The following TAF1B variants were observed in gnomAD, a reference collection of about 807,000 sequenced individuals.
The protein encoded by TAF1B is TATA box-binding protein-associated factor RNA polymerase I subunit B.
Under a neutral mutation model 83.9 loss-of-function variants are expected in TAF1B, and 61 were observed. The observed-to-expected ratio is 0.73, with a 90% CI of 0.59 to 0.90. TAF1B has a LOEUF of 0.90. Ranked by LOEUF, TAF1B falls within the 40% of genes least tolerant of loss-of-function variation. The pLI is 0.00. For synonymous variants in TAF1B, 221 were observed against 224.6 expected, an observed-to-expected ratio of 0.98 and a Z score of 0.14; for missense variants, 625 against 677.0, an observed-to-expected ratio of 0.92 and a Z score of 0.85.
chr2:9,857,995 A>G (rs1243828206), intron 5 of TAF1B, among the ~76,000 whole-genome samples: 1 of 152,162 alleles, frequency 6.6e-6, no homozygotes, highest in African/African-American at 2.4e-5. Flanking sequence ...ACATTGCAAA[A>G]TCAATCATGC....
intron 6 of TAF1B, among the ~76,000 whole-genome samples, chr2:9,872,948 C>G (rs1397153763): frequency 6.6e-6 from 1 of 152,184 alleles, no homozygotes; most frequent in Non-Finnish European, 1.5e-5. Flanking sequence ...TCTTAAAGTT[C>G]TATGGACATT....
intron 6 of TAF1B, among the ~76,000 whole-genome samples, chr2:9,869,312 C>G (rs1270703907): frequency 6.6e-6 from 1 of 152,006 alleles, no homozygotes; most frequent in East Asian, 1.9e-4. Flanking sequence ...GCAACCTCCG[C>G]CTCCCAGGTT....
intron 8 of TAF1B, among the ~76,000 whole-genome samples, chr2:9,901,803 T>C (rs1239136140): frequency 6.6e-6 from 1 of 152,208 alleles, no homozygotes; most frequent in Non-Finnish European, 1.5e-5. Context: ...TGAGAACTTA[T>C]GTTTTTCTTT....
intron 5 of TAF1B, among the ~76,000 whole-genome samples, chr2:9,859,318 C>T (rs1001891604): frequency 6.6e-6 from 1 of 151,956 alleles, no homozygotes; most frequent in African/African-American, 2.4e-5. Context: ...ACTCCAGTTC[C>T]CAATAAGTTC....
chr2:9,854,023 G>A (rs989409650), intron 4 of TAF1B, among the ~76,000 whole-genome samples: 20 of 152,196 alleles, frequency 1.3e-4, no homozygotes, highest in African/African-American at 4.6e-4. Context: ...AGGCAGGTAA[G>A]AATACATTTA....
At chr2:9,857,877 C>G (rs115804497) in intron 5 of TAF1B, among the ~76,000 whole-genome samples, 6,696 of 152,184 alleles carry the variant, frequency 0.044, 195 homozygotes, top group Non-Finnish European at 0.066. Flanking sequence ...TCACCAGGTC[C>G]CTCTCGCAAC....
At chr2:9,843,815 G>A in intron 1 of TAF1B, 1 of 444,402 alleles carries the variant, frequency 2.3e-6, no homozygotes, top group Non-Finnish European at 4.0e-6. Context: ...CGTTATGGGT[G>A]TGTTTAAGGA....
chr2:9,901,878 T>C (rs1665186861), intron 8 of TAF1B, among the ~76,000 whole-genome samples: 1 of 152,124 alleles, frequency 6.6e-6, no homozygotes, highest in African/African-American at 2.4e-5. Context: ...GTAGAATAAC[T>C]GTATCCCAAC....
intron 14 of TAF1B, among the ~76,000 whole-genome samples, chr2:9,920,098 T>C (rs1335123404): frequency 1.3e-5 from 2 of 152,228 alleles, no homozygotes; most frequent in Non-Finnish European, 2.9e-5. Flanking sequence ...GAATGTGCTG[T>C]ATTTTTTAGT....
At chr2:9,880,276 G>C (rs1273656684) in intron 7 of TAF1B, among the ~76,000 whole-genome samples, 1 of 151,874 alleles carries the variant, frequency 6.6e-6, no homozygotes, top group Non-Finnish European at 1.5e-5. Context: ...GTGTTTCCAG[G>C]GGACATGGCT....
chr2:9,890,777 T>C (rs1664845624), intron 8 of TAF1B, among the ~76,000 whole-genome samples: 1 of 152,200 alleles, frequency 6.6e-6, no homozygotes. Flanking sequence ...TCTCTTATTT[T>C]ATTTTTTTTG....
Position 9,876,030 on chromosome 2 carries a change from CTCTTGTATGATAA to C in TAF1B, c.707+14_707+26del. 1.3e-6 allele frequency: 2 copies of C among 1,584,326 alleles called. No individual in the cohort carries two copies. Among genetic ancestry groups the C allele is most frequent in the South Asian group, 2.3e-5 (2 of 87,852 alleles). ...TCAGATCTTTTGAGGTTAGCTAGACCTCTTGTATGATAATATTTTTGCTGGTTACTACATGAAC... is the reference window on the plus strand; with the variant it reads ...TCAGATCTTTTGAGGTTAGCTAGACCTATTTTTGCTGGTTACTACATGAAC... On this transcript the variant is annotated intron_variant, in intron 7 of 14. Transcript: ENST00000263663.
intron 4 of TAF1B, among the ~76,000 whole-genome samples, chr2:9,853,180 A>G (rs1663454472): frequency 6.6e-6 from 1 of 152,194 alleles, no homozygotes; most frequent in Non-Finnish European, 1.5e-5. Context: ...TGCTCACCTC[A>G]TTAGGGGTTA....
chr2:9,883,306 A>G (rs947543815), intron 8 of TAF1B, among the ~76,000 whole-genome samples: 6 of 152,144 alleles, frequency 3.9e-5, no homozygotes, highest in Admixed American at 2.0e-4. Flanking sequence ...TTGTGTCACT[A>G]TTGGTGGTAC....
At chr2:9,885,055 T>C (rs1012645544) in intron 8 of TAF1B, among the ~76,000 whole-genome samples, 2 of 152,246 alleles carry the variant, frequency 1.3e-5, no homozygotes, top group Non-Finnish European at 2.9e-5. Context: ...AAGTATAGTG[T>C]AACAAATTCT....
rs1663588941 is a variant in TAF1B at position 9,857,077 on chromosome 2, G to T, written c.399+2656G>T. Among the ~76,000 whole-genome samples, 3 of 152,124 alleles carry T rather than the reference G, an allele frequency of 2.0e-5. 1 individual carries two copies. The highest frequency in any genetic ancestry group is 2.0e-4 in the Admixed American group (3 of 15,272). On this transcript the variant is annotated intron_variant, in intron 5 of 14. Transcript: ENST00000263663. ...GCAAATATAGAGAGGGGGACACTGG[G>T]GAAGGGTGCTATTTAATAAAAGGTG... is the stretch of plus-strand genomic sequence containing the variant.
chr2:9,906,968 C>A (rs972228181), intron 9 of TAF1B, among the ~76,000 whole-genome samples: 71 of 152,150 alleles, frequency 4.7e-4, no homozygotes, highest in African/African-American at 1.7e-3. Flanking sequence ...ACCTTGAACT[C>A]CTGGGCTCCA....
intron 14 of TAF1B, among the ~76,000 whole-genome samples, chr2:9,924,807 T>C (rs1386896188): frequency 6.6e-6 from 1 of 152,236 alleles, no homozygotes; most frequent in African/African-American, 2.4e-5. Flanking sequence ...GCTGTAAAAT[T>C]GTGAAAACAC....
At chr2:9,886,417 CATG>C (rs1209283044) in intron 8 of TAF1B, among the ~76,000 whole-genome samples, 2 of 152,160 alleles carry the variant, frequency 1.3e-5, no homozygotes, top group Non-Finnish European at 2.9e-5. Flanking sequence ...TCTTGTTTCT[CATG>C]GTGGTATTTT....
Sources: gnomAD v4.1 joint callset for allele counts (sites outside exome capture counted in the v4.1 genomes callset) on GRCh38, gnomAD v4.1.1 for gene constraint, MANE v1.5 for transcripts, NCBI Gene and HGNC (gene_info 2026-07-23, HGNC 2026-07-21) for gene names.